Variants in CNTN4 observed in about 807,000 individuals in gnomAD.
CNTN4 encodes the protein contactin 4, also known as contactin-4.
CNTN4 carries 77 observed loss-of-function variants against 122.5 expected under a neutral mutation model. The ratio of observed to expected loss-of-function variants is 0.63; its 90% CI spans 0.52 to 0.76. CNTN4 has a LOEUF of 0.76. CNTN4 is among the 30% of genes least tolerant of loss of function. The pLI is 0.00. For missense variants in CNTN4, 1,256 were observed against 1,259.1 expected (o/e 1.00, Z 0.04); for synonymous variants, 512 against 447.0 (o/e 1.15, Z -1.83).
At chr3:2,705,570 TAAA>T (rs1404612114) in intron 4 of CNTN4, among the ~76,000 whole-genome samples, 6 of 2,216 alleles carry the variant, frequency 2.7e-3, no homozygotes, top group African/African-American at 8.4e-3. Context: ...TATAAATTTA[TAAA>T]TTTATTTATA....
chr3:2,906,612 C>T (rs1229945747), intron 12 of CNTN4, among the ~76,000 whole-genome samples: 21 of 151,664 alleles, frequency 1.4e-4, no homozygotes, highest in Admixed American at 9.8e-4. Flanking sequence ...CCGAGGCAGG[C>T]GGATCACCTG....
At chr3:2,927,459 C>A in intron 13 of CNTN4, 1 of 374,234 alleles carries the variant, frequency 2.7e-6, no homozygotes, top group Non-Finnish European at 5.4e-6. Flanking sequence ...ACTCACATTT[C>A]ATTGGCCAAA....
intron 2 of CNTN4, among the ~76,000 whole-genome samples, chr3:2,121,558 A>G (rs1424456918): frequency 6.6e-6 from 1 of 152,082 alleles, no homozygotes; most frequent in Non-Finnish European, 1.5e-5. Flanking sequence ...GTCCTATAGA[A>G]TTGTAAGTTG....
At chr3:3,017,116 T>G (rs1697833164) in intron 14 of CNTN4, among the ~76,000 whole-genome samples, 1 of 152,218 alleles carries the variant, frequency 6.6e-6, no homozygotes, top group Non-Finnish European at 1.5e-5. Flanking sequence ...CTTCCTTGTC[T>G]TCAGCCAAAA....
At chr3:2,151,827 A>G (rs1163383671) in intron 2 of CNTN4, among the ~76,000 whole-genome samples, 1 of 152,214 alleles carries the variant, frequency 6.6e-6, no homozygotes, top group Non-Finnish European at 1.5e-5. Flanking sequence ...GAGAGTCCCC[A>G]CCAGCAAGAA....
intron 13 of CNTN4, among the ~76,000 whole-genome samples, chr3:2,954,933 G>A (rs73805460): frequency 0.011 from 1,739 of 152,104 alleles, 27 homozygotes; most frequent in African/African-American, 0.04. Flanking sequence ...ATGTTTAACC[G>A]TAGTCTCATT....
chr3:2,786,117 C>T (rs2091815369), intron 6 of CNTN4, among the ~76,000 whole-genome samples: 1 of 152,014 alleles, frequency 6.6e-6, no homozygotes, highest in Admixed American at 6.6e-5. Flanking sequence ...CATCCCCTTT[C>T]CAGCCCCCGC....
chr3:2,230,779 G>T (rs190602571), intron 2 of CNTN4, among the ~76,000 whole-genome samples: 1 of 152,040 alleles, frequency 6.6e-6, no homozygotes, highest in Admixed American at 6.6e-5. Context: ...GAGCCCAGGA[G>T]TTCGAGACCA....
intron 3 of CNTN4, among the ~76,000 whole-genome samples, chr3:2,506,301 C>T (rs2076729542): frequency 6.6e-6 from 1 of 152,148 alleles, no homozygotes; most frequent in African/African-American, 2.4e-5. Context: ...CTGGAGCCGA[C>T]AAAAGAGCTC....
At chr3:2,687,552 A>G (rs1402863826) in intron 4 of CNTN4, among the ~76,000 whole-genome samples, 4 of 152,138 alleles carry the variant, frequency 2.6e-5, no homozygotes, top group East Asian at 1.9e-4. Flanking sequence ...AGTCCCAGCT[A>G]CTTGGGAAGA....
chr3:2,928,917 G>A (rs56177791), intron 13 of CNTN4, among the ~76,000 whole-genome samples: 54,170 of 151,884 alleles, frequency 0.36, 11,552 homozygotes, highest in East Asian at 0.68. Flanking sequence ...AGAAACACTG[G>A]TTTAACATTA....
chr3:2,671,664 G>A (rs1240814747), intron 4 of CNTN4, among the ~76,000 whole-genome samples: 3 of 152,124 alleles, frequency 2.0e-5, no homozygotes, highest in East Asian at 3.9e-4. Context: ...GGAGAGGCGC[G>A]CTGATTTTTA....
chr3:2,467,133 G>GT (rs368919706), intron 3 of CNTN4, among the ~76,000 whole-genome samples: 24,206 of 131,352 alleles, frequency 0.18, 2,346 homozygotes, highest in African/African-American at 0.26. Flanking sequence ...AAAATTATGG[G>GT]TTTTTTTTTT....
intron 2 of CNTN4, among the ~76,000 whole-genome samples, chr3:2,217,291 T>A (rs1615729): frequency 0.67 from 102,367 of 151,890 alleles, 34,726 homozygotes; most frequent in Non-Finnish European, 0.7. Flanking sequence ...TTGCAAGCAG[T>A]GTGTTTTCTG....
At chr3:2,872,359 A>G (rs2093795965) in intron 8 of CNTN4, among the ~76,000 whole-genome samples, 1 of 152,168 alleles carries the variant, frequency 6.6e-6, no homozygotes, top group African/African-American at 2.4e-5. Flanking sequence ...ATTACATTAC[A>G]CACACAGGGA....
rs374809556 is a variant in CNTN4 at position 3,046,291 on chromosome 3, G to C, written c.2811+2587G>C. On this transcript the variant is annotated intron_variant, in intron 23 of 24. Coordinates refer to ENST00000418658, the MANE Select transcript of CNTN4 (RefSeq NM_175607.3). Reference sequence around the variant, plus strand: ...AAATACAGAGAATGCCACAAAGATAGTCCTCGAGAAGAGCAACTCCAAGAC... The same window carrying C: ...AAATACAGAGAATGCCACAAAGATACTCCTCGAGAAGAGCAACTCCAAGAC... 3.9e-5 allele frequency among the ~76,000 whole-genome samples: 6 copies of C among 152,026 alleles called. No homozygotes were observed. The East Asian group carries it at 9.7e-4, about 24-fold the overall frequency.
intron 4 of CNTN4, among the ~76,000 whole-genome samples, chr3:2,677,599 C>G (rs547599439): frequency 2.0e-5 from 3 of 151,910 alleles, no homozygotes; most frequent in Non-Finnish European, 4.4e-5. Flanking sequence ...GTAATACAGT[C>G]TTCATAAAGA....
intron 14 of CNTN4, among the ~76,000 whole-genome samples, chr3:3,007,529 T>G (rs182204038): frequency 2.5e-4 from 38 of 152,362 alleles, no homozygotes; most frequent in South Asian, 1.9e-3. Flanking sequence ...GGTGTTGTCA[T>G]TTTTCAAATA....
intron 2 of CNTN4, among the ~76,000 whole-genome samples, chr3:2,102,286 C>T (rs1274453766): frequency 2.0e-5 from 3 of 152,146 alleles, no homozygotes; most frequent in African/African-American, 7.2e-5. Flanking sequence ...AAGTCTGGCA[C>T]CATCATTTAT....
Sources: gnomAD v4.1 joint callset for allele counts (sites outside exome capture counted in the v4.1 genomes callset) on GRCh38, gnomAD v4.1.1 for gene constraint, MANE v1.5 for transcripts, NCBI Gene and HGNC (gene_info 2026-07-23, HGNC 2026-07-21) for gene names.